The following PTCHD4 variants were observed in gnomAD, a reference collection of about 807,000 sequenced individuals.
PTCHD4 encodes the protein patched domain containing 4, also known as patched domain-containing protein 4.
PTCHD4 carries 33 observed loss-of-function variants against 58.1 expected under a neutral mutation model. That is an observed-to-expected ratio of 0.57 (90% CI 0.43 to 0.76). The LOEUF is 0.76. Ranked by LOEUF, PTCHD4 falls within the 30% of genes least tolerant of loss-of-function variation. The pLI is 0.00. For synonymous variants in PTCHD4, 478 were observed against 409.6 expected, an observed-to-expected ratio of 1.17 and a Z score of -2.02; for missense variants, 1,058 against 1,027.1, an observed-to-expected ratio of 1.03 and a Z score of -0.41.
chr6:48,053,312 A>G (rs1240024308), intron 3 of PTCHD4, among the ~76,000 whole-genome samples: 1 of 152,196 alleles, frequency 6.6e-6, no homozygotes, highest in Non-Finnish European at 1.5e-5. Context: ...GACAGCTAAA[A>G]AGTCAAAGAG....
intron 4 of PTCHD4, among the ~76,000 whole-genome samples, chr6:47,892,750 C>G (rs1026496863): frequency 9.2e-5 from 14 of 152,206 alleles, no homozygotes; most frequent in Admixed American, 8.5e-4. Context: ...AGCACAGATG[C>G]TTGATAAAAG....
intron 3 of PTCHD4, among the ~76,000 whole-genome samples, chr6:48,022,558 T>C (rs2114114021): frequency 6.6e-6 from 1 of 152,256 alleles, no homozygotes; most frequent in Middle Eastern, 3.4e-3. Context: ...AGTATGCTCT[T>C]ATCTTCCACT....
In PTCHD4 at chr6:47,870,008, T is replaced by C. The variant is rs1763672720; in HGVS notation, c.*8295A>G. Among the ~76,000 whole-genome samples the C allele has an allele frequency of 1.3e-5, 2 of 151,668 alleles. No individual in the cohort carries two copies. Among genetic ancestry groups the C allele is most frequent in the South Asian group, 4.1e-4 (2 of 4,826 alleles). On this transcript the variant is annotated 3_prime_UTR_variant, in exon 5 of 5. Transcript: ENST00000339488. ...CTTTTACAGCATTTGTGATTGTGAT[T>C]TTAAAAGACCTCATATTTGACCCTA... is the stretch of plus-strand genomic sequence containing the variant.
At chr6:48,066,147 A>G (rs910147726) in intron 3 of PTCHD4, among the ~76,000 whole-genome samples, 8 of 150,484 alleles carry the variant, frequency 5.3e-5, no homozygotes, top group African/African-American at 2.0e-4. Flanking sequence ...CCAGACTACT[A>G]CTGCTAAGCC....
chr6:47,945,957 A>G (rs1453942803), intron 4 of PTCHD4, among the ~76,000 whole-genome samples: 1 of 151,842 alleles, frequency 6.6e-6, no homozygotes, highest in Non-Finnish European at 1.5e-5. Flanking sequence ...ATACTTTAAA[A>G]ATTTAATTAT....
chr6:48,077,405 T>G (rs1421036262), intron 1 of PTCHD4, among the ~76,000 whole-genome samples: 1 of 152,232 alleles, frequency 6.6e-6, no homozygotes, highest in Admixed American at 6.5e-5. Flanking sequence ...GTGTATCCAC[T>G]TGCATTCATT....
At chr6:47,965,757 T>C (rs1767263787) in intron 4 of PTCHD4, among the ~76,000 whole-genome samples, 1 of 151,944 alleles carries the variant, frequency 6.6e-6, no homozygotes, top group African/African-American at 2.4e-5. Context: ...TGAAACCCCG[T>C]CTCTACTAAA....
intron 4 of PTCHD4, among the ~76,000 whole-genome samples, chr6:48,001,916 A>AAAACC (rs1307670597): frequency 2.0e-5 from 3 of 152,250 alleles, no homozygotes; most frequent in African/African-American, 7.2e-5. Context: ...TTTACAAGAA[A>AAAACC]AAACCAAACA....
chr6:47,914,183 A>G (rs1765157193), intron 4 of PTCHD4, among the ~76,000 whole-genome samples: 1 of 152,046 alleles, frequency 6.6e-6, no homozygotes, highest in Admixed American at 6.6e-5. Flanking sequence ...CTTTACCAGT[A>G]TGTTTTGTGT....
Position 47,879,200 on chromosome 6 carries a change from C to T in PTCHD4, c.1635G>A (p.Val545=). The change falls in exon 5 of 5, where the codon GTG becomes GTA. Residue 545 remains valine (V), a synonymous_variant. Coordinates refer to ENST00000339488, the MANE Select transcript of PTCHD4 (RefSeq NM_001384253.1). ...LRRLCSGFTA[V]SWVEQYYQFL... Reference sequence around the variant, plus strand: ...ACTGGTAGTACTGCTCCACCCAGGACACTGCAGTGAATCCACTACAGAGTC... The same window carrying T: ...ACTGGTAGTACTGCTCCACCCAGGATACTGCAGTGAATCCACTACAGAGTC... 6.2e-7 allele frequency: 1 copy of T among 1,612,776 alleles called. No individual in the cohort carries two copies. Among genetic ancestry groups the T allele is most frequent in the Non-Finnish European group, 8.5e-7 (1 of 1,179,696 alleles).
chr6:48,044,399 T>G (rs1349542020), intron 3 of PTCHD4, among the ~76,000 whole-genome samples: 3 of 151,940 alleles, frequency 2.0e-5, no homozygotes, highest in African/African-American at 7.2e-5. Flanking sequence ...CCAGTCGAAG[T>G]GCAGTTGTAG....
chr6:47,908,468 C>T (rs1473391423), intron 4 of PTCHD4, among the ~76,000 whole-genome samples: 5 of 152,156 alleles, frequency 3.3e-5, no homozygotes, highest in African/African-American at 1.2e-4. Context: ...TGATTCTGCT[C>T]CACATGGCTT....
rs186610607 is a variant in PTCHD4 at position 48,060,755 on chromosome 6, G to A, written c.417+7475C>T. ...CTCCCAAAGTGTTGGGATTGCAGGC[G>A]TGAGCCACCGTGCCTGACACGCCTT... On this transcript the variant is annotated intron_variant, in intron 3 of 4. Transcript: ENST00000339488. Among the ~76,000 whole-genome samples, 41 of 152,292 alleles carry A rather than the reference G, an allele frequency of 2.7e-4. No individual in the cohort carries two copies. In the East Asian group the frequency reaches 3.3e-3, roughly 12 times the overall value.
intron 4 of PTCHD4, among the ~76,000 whole-genome samples, chr6:47,896,134 A>C (rs1185124851): frequency 6.6e-6 from 1 of 152,242 alleles, no homozygotes; most frequent in Non-Finnish European, 1.5e-5. Context: ...CAGTTAAGGA[A>C]GATGGCAGAG....
chr6:48,052,754 A>C (rs1764276360), intron 3 of PTCHD4, among the ~76,000 whole-genome samples: 1 of 152,068 alleles, frequency 6.6e-6, no homozygotes, highest in South Asian at 2.1e-4. Flanking sequence ...GGGGTACTAA[A>C]TGTTTGGCTC....
chr6:47,858,285 T>C lies in PTCHD4; in HGVS notation c.*20018A>G, dbSNP rs926683415. Among the ~76,000 whole-genome samples the C allele has an allele frequency of 3.3e-5, 5 of 152,040 alleles. No homozygotes were observed. Among genetic ancestry groups the C allele is most frequent in the Admixed American group, 3.3e-4 (5 of 15,230 alleles). On this transcript the variant is annotated 3_prime_UTR_variant, in exon 5 of 5. Coordinates refer to ENST00000339488, the MANE Select transcript of PTCHD4 (RefSeq NM_001384253.1). Reference sequence around the variant, plus strand: ...AAGAAGAAAATCTGATTTGAGTTTATCATATTCACCTTACTCCATTAATAA... The same window carrying C: ...AAGAAGAAAATCTGATTTGAGTTTACCATATTCACCTTACTCCATTAATAA...
chr6:47,867,367 C>T lies in PTCHD4; in HGVS notation c.*10936G>A, dbSNP rs150308167. ...GAGATTATAAATTTATGTGATATTG[C>T]TCAGTTTTGGGATCCTTGATTTTAA... is the stretch of plus-strand genomic sequence containing the variant. On this transcript the variant is annotated 3_prime_UTR_variant, in exon 5 of 5. Coordinates refer to ENST00000339488, the MANE Select transcript of PTCHD4 (RefSeq NM_001384253.1). Among the ~76,000 whole-genome samples, 106 of 151,826 alleles carry T rather than the reference C, an allele frequency of 7.0e-4. No homozygotes were observed. The highest frequency in any genetic ancestry group is 1.2e-3 in the Non-Finnish European group (83 of 67,810).
chr6:47,955,616 A>T (rs1001688287), intron 4 of PTCHD4, among the ~76,000 whole-genome samples: 2 of 152,246 alleles, frequency 1.3e-5, no homozygotes, highest in African/African-American at 4.8e-5. Flanking sequence ...CATGAAATCA[A>T]ATCAGAAAAT....
chr6:48,001,151 G>T lies in PTCHD4; in HGVS notation c.898+7483C>A, dbSNP rs140225610. ...AACATTCCATGCTCATGGATAGGAA[G>T]AATCAATATCATGAAAATGGCCATA... is the stretch of plus-strand genomic sequence containing the variant. On this transcript the variant is annotated intron_variant, in intron 4 of 4. Coordinates refer to ENST00000339488, the MANE Select transcript of PTCHD4 (RefSeq NM_001384253.1). 7.2e-5 allele frequency among the ~76,000 whole-genome samples: 11 copies of T among 152,284 alleles called. No individual in the cohort carries two copies. The East Asian group carries it at 1.9e-3, about 27-fold the overall frequency.
Sources: allele counts gnomAD v4.1 joint callset (sites outside exome capture counted in the v4.1 genomes callset), GRCh38; gene constraint gnomAD v4.1.1; transcripts MANE v1.5; gene names NCBI Gene and HGNC (gene_info 2026-07-23, HGNC 2026-07-21).